The following NKTR variants were observed in gnomAD, a reference collection of about 807,000 sequenced individuals.
The protein encoded by NKTR is NK-tumor recognition protein.
Under a neutral mutation model 156.3 loss-of-function variants are expected in NKTR, and 67 were observed. The observed-to-expected ratio is 0.43, with a 90% confidence interval of 0.35 to 0.53. The LOEUF (loss-of-function observed/expected upper bound fraction) is 0.53. Ranked by LOEUF, NKTR falls within the 20% of genes least tolerant of loss-of-function variation. The pLI is 0.01. For synonymous variants in NKTR, 640 were observed against 596.6 expected, an observed-to-expected ratio of 1.07 and a Z score of -1.06; for missense variants, 1,604 against 1,730.9, an observed-to-expected ratio of 0.93 and a Z score of 1.30.
intron 2 of NKTR, among the ~76,000 whole-genome samples, chr3:42,607,510 A>G (rs1405640490): frequency 6.7e-6 from 1 of 149,270 alleles, no homozygotes; most frequent in Non-Finnish European, 1.5e-5. Context: ...ATGGGGTGCA[A>G]AAAAAAAAAG....
chr3:42,609,020 C>T (rs1449383635), intron 2 of NKTR, among the ~76,000 whole-genome samples: 2 of 151,894 alleles, frequency 1.3e-5, no homozygotes, highest in Non-Finnish European at 2.9e-5. Context: ...CACAGCTACT[C>T]AGGAGGCTAA....
chr3:42,622,652 A>G (rs1708021162), intron 6 of NKTR, among the ~76,000 whole-genome samples: 2 of 152,058 alleles, frequency 1.3e-5, no homozygotes, highest in Non-Finnish European at 2.9e-5. Flanking sequence ...GACCTACAAC[A>G]GTTGTTCTCT....
At chr3:42,610,955 T>C (rs1442038006) in intron 2 of NKTR, 1 of 152,218 alleles carries the variant, frequency 6.6e-6, no homozygotes, top group Non-Finnish European at 1.5e-5. Context: ...TACTATCTTA[T>C]AATTCTTTTT....
In NKTR at chr3:42,639,715, A is replaced by G; in HGVS notation, c.4011A>G (p.Ser1337=). The change falls in exon 13 of 17, where the codon TCA becomes TCG. Residue 1337 remains serine, a synonymous_variant. Coordinates refer to ENST00000232978, the MANE Select transcript of NKTR (RefSeq NM_005385.4). Reference sequence around the variant, plus strand: ...CAAGGTCTGTCTCCTATAGTCACTCAAGAAGTCGATCGAGAAGTTCCACAT... The same window carrying G: ...CAAGGTCTGTCTCCTATAGTCACTCGAGAAGTCGATCGAGAAGTTCCACAT... ...HRTRSVSYSH[S]RSRSRSSTSS... The G allele has an allele frequency of 6.2e-7, 1 of 1,611,244 alleles. No homozygotes were observed. Among genetic ancestry groups the G allele is most frequent in the Non-Finnish European group, 8.5e-7 (1 of 1,178,866 alleles).
rs1439922947 is a variant in NKTR, at chr3:42,630,535, T to A, written c.375-11T>A. The A allele has an allele frequency of 1.2e-6, 2 of 1,613,844 alleles. No individual in the cohort carries two copies. The highest frequency in any genetic ancestry group is 2.2e-5 in the South Asian group (2 of 91,036). ...TTTGACATCATCTTTGTGTTGATGTTTATTACATAGTACCACAAAGCCTGC... is the reference window on the plus strand; with the variant it reads ...TTTGACATCATCTTTGTGTTGATGTATATTACATAGTACCACAAAGCCTGC... On this transcript the variant is annotated splice_polypyrimidine_tract_variant and intron_variant, in intron 6 of 16. Transcript: ENST00000232978.
intron 2 of NKTR, among the ~76,000 whole-genome samples, chr3:42,603,360 T>TAAAAAAAA (rs376932471): frequency 3.2e-5 from 3 of 92,756 alleles, no homozygotes; most frequent in Non-Finnish European, 4.7e-5. Flanking sequence ...ATCTTGTTTC[T>TAAAAAAAA]AAAAAAAAAA....
intron 6 of NKTR, among the ~76,000 whole-genome samples, chr3:42,624,005 C>T (rs1708146917): frequency 6.6e-6 from 1 of 152,096 alleles, no homozygotes. Flanking sequence ...ATTTGCAAGA[C>T]ATCCCTCAAG....
rs1432822422 is a variant in NKTR, at chr3:42,628,390, A to G, written c.375-2156A>G. ...TGAATGTCATAAAGATAGCTATTCC[A>G]TCCTCAAATTGAGTCTCAAGTAGTA... On this transcript the variant is annotated intron_variant, in intron 6 of 16. Coordinates refer to ENST00000232978, the MANE Select transcript of NKTR (RefSeq NM_005385.4). 5.1e-6 allele frequency: 5 copies of G among 985,046 alleles called. No individual in the cohort carries two copies. The African/African-American group carries it at 8.7e-5, about 17-fold the overall frequency. 61.0% of individuals were successfully genotyped at this position (985,046 alleles called of 1,614,324 possible).
At position 42,638,271 on chromosome 3, in the gene NKTR, CA is replaced by C. The variant is rs757068777; in HGVS notation, c.2575del (p.Arg859GlufsTer3). 23 of 1,602,494 alleles carry C rather than the reference CA, an allele frequency of 1.4e-5. No homozygotes were observed. The highest frequency in any genetic ancestry group is 1.4e-4 in the Admixed American group (8 of 57,084). ...AAGTCTGAACGGGAATGCCCTCATT[CA>C]AAAAAAAGAACTTTGAAAGAGAATC... Reference protein sequence around the residue: ...KSKSERECPHSKKRTLKENLS... With the variant: ...KSKSERECPHXKKRTLKENLS... On this transcript the variant is annotated frameshift_variant, in exon 13 of 17. Coordinates refer to ENST00000232978, the MANE Select transcript of NKTR (RefSeq NM_005385.4). LOFTEE classifies it high-confidence loss of function.
chr3:42,604,164 T>C (rs1428606698), intron 2 of NKTR, among the ~76,000 whole-genome samples: 2 of 152,230 alleles, frequency 1.3e-5, no homozygotes, highest in African/African-American at 4.8e-5. Flanking sequence ...ATTCCTGATA[T>C]TGATAATTCT....
At position 42,600,762 on chromosome 3, in the gene NKTR, G is replaced by A; in HGVS notation, c.-40G>A. The A allele has an allele frequency of 2.8e-6, 1 of 360,562 alleles. No individual in the cohort carries two copies. Among genetic ancestry groups the A allele is most frequent in the Non-Finnish European group, 5.0e-6 (1 of 199,466 alleles). 22.3% of individuals were successfully genotyped at this position (360,562 alleles called of 1,614,324 possible). A position where few individuals can be genotyped will look rare whatever the true frequency, so the allele number is the denominator to read the frequency against. On this transcript the variant is annotated 5_prime_UTR_variant, in exon 1 of 17. Coordinates refer to ENST00000232978, the MANE Select transcript of NKTR (RefSeq NM_005385.4). The stretch of plus-strand genomic sequence containing the variant: ...TCTTCTGCTCACGGGGACCCGCTCA[G>A]GCTGGAGGCCAGCCAGGTGAAGAGC...
intron 3 of NKTR, 95 bp downstream of exon 3, chr3:42,617,739 GA>G: frequency 3.3e-6 from 2 of 611,086 alleles, no homozygotes; most frequent in Non-Finnish European, 5.8e-6. Context: ...ATGGACTCGT[GA>G]AATTAGTTTT....
Position 42,619,015 on chromosome 3 carries a change from T to C in NKTR, c.134-5T>C, listed in dbSNP as rs547515818. 1,208 of 1,540,224 alleles carry C rather than the reference T, an allele frequency of 7.8e-4. 10 individuals carry two copies. The African/African-American group carries it at 0.016, about 20-fold the overall frequency. ...TTCATTTCTTTTTTTTTTTTTTTTT[T>C]CCAGGAGAGAAAGGCCTTGGGAAAA... On this transcript the variant is annotated splice_region_variant and splice_polypyrimidine_tract_variant and intron_variant, in intron 3 of 16. Transcript: ENST00000232978.
At chr3:42,607,969 CTTTTTTTTTTTTTTTTTTTTTT>C (rs201803926) in intron 2 of NKTR, among the ~76,000 whole-genome samples, 64 of 74,966 alleles carry the variant, frequency 8.5e-4, no homozygotes, top group African/African-American at 1.3e-3. Context: ...CTGAGTCGCT[CTTTTTTTTTTTTTTTTTTTTTT>C]TTTTTTTTTT....
intron 6 of NKTR, chr3:42,628,078 C>T: frequency 1.0e-6 from 1 of 985,380 alleles, no homozygotes; most frequent in Non-Finnish European, 1.2e-6. Context: ...GGGATTTCTA[C>T]TCCTGGAATG....
At chr3:42,628,970 C>G in intron 6 of NKTR, 1 of 467,198 alleles carries the variant, frequency 2.1e-6, no homozygotes, top group Non-Finnish European at 2.8e-6. Context: ...CCATCGCACT[C>G]TAGCCTGGGC....
chr3:42,608,882 T>A (rs1706494050), intron 2 of NKTR, among the ~76,000 whole-genome samples: 1 of 152,064 alleles, frequency 6.6e-6, no homozygotes. Flanking sequence ...TCCCAGCACT[T>A]TGGGAGGCCG....
intron 6 of NKTR, chr3:42,628,110 C>T: frequency 1.0e-6 from 1 of 984,820 alleles, no homozygotes; most frequent in Non-Finnish European, 1.2e-6. Context: ...CCCCAGAGGG[C>T]TTCTTTTTGT....
intron 6 of NKTR, among the ~76,000 whole-genome samples, chr3:42,626,554 T>G (rs1196517663): frequency 6.6e-6 from 1 of 152,162 alleles, no homozygotes; most frequent in East Asian, 1.9e-4. Context: ...TTAATGCTGC[T>G]TTATTATTAT....
Sources: allele counts gnomAD v4.1 joint callset (sites outside exome capture counted in the v4.1 genomes callset), GRCh38; gene constraint gnomAD v4.1.1; transcripts MANE v1.5; gene names NCBI Gene and HGNC (gene_info 2026-07-23, HGNC 2026-07-21).